Variants in HORMAD2 observed in about 807,000 individuals in gnomAD.
HORMAD2 encodes HORMA domain containing 2, also known as HORMA domain-containing protein 2.
Under a neutral mutation model 38.8 loss-of-function variants are expected in HORMAD2, and 45 were observed. That is an observed-to-expected ratio of 1.16 (90% CI 0.91 to 1.49). HORMAD2 has a LOEUF of 1.49. Among genes scored for constraint, HORMAD2 ranks in the 40% most tolerant of loss-of-function variants. The pLI, the probability that HORMAD2 is intolerant of heterozygous loss-of-function variation, is 0.00. For missense variants in HORMAD2, 338 were observed against 367.0 expected (o/e 0.92, Z 0.65); for synonymous variants, 126 against 122.8 (o/e 1.03, Z -0.17).
chr22:30,145,836 C>A (rs1476693274), intron 10 of HORMAD2, among the ~76,000 whole-genome samples: 2 of 152,086 alleles, frequency 1.3e-5, no homozygotes, highest in Non-Finnish European at 2.9e-5. Context: ...TAATTTTGAA[C>A]AAATTCTTTA....
the HORMAD2 span, among the ~76,000 whole-genome samples, chr22:30,199,748 T>C: frequency 6.6e-6 from 1 of 152,034 alleles, no homozygotes; most frequent in Non-Finnish European, 1.5e-5. Flanking sequence ...TTTTTTTTTT[T>C]TCAATTAGTC....
intron 10 of HORMAD2, among the ~76,000 whole-genome samples, chr22:30,124,500 G>A (rs1165510882): frequency 6.6e-6 from 1 of 152,040 alleles, no homozygotes; most frequent in African/African-American, 2.4e-5. Context: ...CCCTCTGAAG[G>A]TAACCACTCT....
chr22:30,108,186 C>A (rs1009221480), intron 5 of HORMAD2, among the ~76,000 whole-genome samples: 2 of 152,072 alleles, frequency 1.3e-5, no homozygotes, highest in African/African-American at 4.8e-5. Flanking sequence ...TTGTATATAG[C>A]TATCTAGCTT....
At chr22:30,110,586 A>G (rs746923612) in intron 5 of HORMAD2, among the ~76,000 whole-genome samples, 1 of 151,684 alleles carries the variant, frequency 6.6e-6, no homozygotes, top group African/African-American at 2.4e-5. Context: ...GAGTTTCACC[A>G]TGTTTCCCAG....
intron 10 of HORMAD2, chr22:30,137,816 T>A (rs1923774913): frequency 6.6e-6 from 1 of 152,316 alleles, no homozygotes; most frequent in Non-Finnish European, 1.5e-5. Flanking sequence ...TATCCATGTA[T>A]TAGTGATGGG....
downstream of HORMAD2, among the ~76,000 whole-genome samples, chr22:30,181,948 CA>C (rs1926738717): frequency 6.6e-6 from 1 of 152,172 alleles, no homozygotes; most frequent in East Asian, 1.9e-4. Context: ...AGAATTGAAC[CA>C]ACTGAATACT....
chr22:30,204,249 T>C, the HORMAD2 span, among the ~76,000 whole-genome samples: 5 of 151,796 alleles, frequency 3.3e-5, no homozygotes, highest in African/African-American at 1.2e-4. Flanking sequence ...CCCAGAGGAG[T>C]GTTCCTGCCA....
At chr22:30,082,095 T>C (rs2068490101) in intron 1 of HORMAD2, among the ~76,000 whole-genome samples, 1 of 152,228 alleles carries the variant, frequency 6.6e-6, no homozygotes, top group Non-Finnish European at 1.5e-5. Context: ...GGTTGGAAGA[T>C]GTCTGTGCTC....
In HORMAD2 at chr22:30,144,678, G is replaced by A. The variant is rs924462807; in HGVS notation, c.819+22464G>A. Among the ~76,000 whole-genome samples, 8 of 151,662 alleles carry A rather than the reference G, an allele frequency of 5.3e-5. No individual in the cohort carries two copies. The East Asian group carries it at 1.6e-3, about 30-fold the overall frequency. Reference sequence around the variant, plus strand: ...TTCTCAGCTTGCCTCTCCCAGCATAGAACCACGACCTTACAAGCCAGGGCA... The same window carrying A: ...TTCTCAGCTTGCCTCTCCCAGCATAAAACCACGACCTTACAAGCCAGGGCA... On this transcript the variant is annotated intron_variant, in intron 10 of 10. Coordinates refer to ENST00000336726, the MANE Select transcript of HORMAD2 (RefSeq NM_152510.4).
chr22:30,198,471 G>A, the HORMAD2 span, among the ~76,000 whole-genome samples: 4 of 150,936 alleles, frequency 2.7e-5, no homozygotes, highest in South Asian at 2.1e-4. Flanking sequence ...CCAGAGGTTC[G>A]GATTTAACTG....
intron 10 of HORMAD2, among the ~76,000 whole-genome samples, chr22:30,141,068 G>A (rs1382704832): frequency 2.6e-5 from 4 of 152,030 alleles, no homozygotes; most frequent in Non-Finnish European, 5.9e-5. Flanking sequence ...AATGACCTCG[G>A]CTCACTGCAA....
downstream of HORMAD2, among the ~76,000 whole-genome samples, chr22:30,179,222 G>C (rs552026219): frequency 6.6e-6 from 1 of 152,210 alleles, no homozygotes; most frequent in African/African-American, 2.4e-5. Flanking sequence ...CATTTAGAAA[G>C]AGGTCCCAAA....
the HORMAD2 span, among the ~76,000 whole-genome samples, chr22:30,187,145 G>T: frequency 0.91 from 138,726 of 152,258 alleles, 63,301 homozygotes; most frequent in East Asian, 1. Context: ...TTGACTAAAT[G>T]AAAAATTAAT....
At chr22:30,189,972 G>A in the HORMAD2 span, among the ~76,000 whole-genome samples, 6 of 152,136 alleles carry the variant, frequency 3.9e-5, no homozygotes, top group South Asian at 4.1e-4. Context: ...CTTGCCCTAC[G>A]TCTCCTCTCT....
At chr22:30,191,044 G>A in the HORMAD2 span, among the ~76,000 whole-genome samples, 2 of 152,154 alleles carry the variant, frequency 1.3e-5, no homozygotes, top group African/African-American at 4.8e-5. Flanking sequence ...AACAAGGGAG[G>A]AGAGGCCAGT....
At chr22:30,092,390 A>G (rs1319574927) in intron 1 of HORMAD2, among the ~76,000 whole-genome samples, 1 of 71,060 alleles carries the variant, frequency 1.4e-5, no homozygotes, top group African/African-American at 5.8e-5. Context: ...CACTTCTTGT[A>G]TATTCTGGAT....
chr22:30,174,734 G>T (rs1450595724), intron 10 of HORMAD2, among the ~76,000 whole-genome samples: 1 of 152,098 alleles, frequency 6.6e-6, no homozygotes, highest in Non-Finnish European at 1.5e-5. Context: ...GCATGGCCAA[G>T]CAACAAGCTA....
chr22:30,162,437 A>G (rs969676914), intron 10 of HORMAD2, among the ~76,000 whole-genome samples: 4 of 152,172 alleles, frequency 2.6e-5, no homozygotes, highest in Admixed American at 2.0e-4. Context: ...ATGTAGGTAT[A>G]AAATATACGC....
the HORMAD2 span, among the ~76,000 whole-genome samples, chr22:30,188,244 C>T: frequency 6.6e-6 from 1 of 152,134 alleles, no homozygotes; most frequent in Non-Finnish European, 1.5e-5. Context: ...ATGTGCTGAC[C>T]TAACCTCAAA....
Sources: allele counts gnomAD v4.1 joint callset (sites outside exome capture counted in the v4.1 genomes callset), GRCh38; gene constraint gnomAD v4.1.1; transcripts MANE v1.5; gene names NCBI Gene and HGNC (gene_info 2026-07-23, HGNC 2026-07-21).